The following FBXO27 variants were observed in gnomAD, a reference collection of about 807,000 sequenced individuals.
FBXO27 encodes F-box only protein 27.
A neutral mutation model predicts 28.3 loss-of-function variants in FBXO27; 28 were observed. The ratio of observed to expected loss-of-function variants is 0.99; its 90% CI spans 0.73 to 1.36. FBXO27 has a LOEUF of 1.36. Among genes scored for constraint, FBXO27 ranks in the 40% most tolerant of loss-of-function variants. The pLI is 0.00. For synonymous variants in FBXO27, 175 were observed against 167.3 expected (o/e 1.05, Z -0.36); for missense variants, 388 against 394.1 (o/e 0.98, Z 0.13).
intron 4 of FBXO27, among the ~76,000 whole-genome samples, chr19:39,027,692 G>A (rs547511599): frequency 6.6e-6 from 1 of 152,072 alleles, no homozygotes; most frequent in Non-Finnish European, 1.5e-5. Flanking sequence ...AGTTGGTAAA[G>A]ATGTAGAGAT....
intron 2 of FBXO27, among the ~76,000 whole-genome samples, chr19:39,011,858 C>A (rs188745180): frequency 3.0e-4 from 40 of 132,374 alleles, no homozygotes; most frequent in African/African-American, 1.1e-3. Context: ...GACGGAGTCT[C>A]TTTCTGTCAT....
intron 2 of FBXO27, among the ~76,000 whole-genome samples, chr19:39,009,793 G>T (rs1039061441): frequency 6.6e-5 from 10 of 151,026 alleles, no homozygotes; most frequent in Non-Finnish European, 8.9e-5. Context: ...AAGTTGTGGG[G>T]TTTTTTTTTT....
chr19:39,019,311 G>C (rs573608778), downstream of FBXO27, among the ~76,000 whole-genome samples: 4 of 150,830 alleles, frequency 2.7e-5, no homozygotes, highest in Non-Finnish European at 5.9e-5. Context: ...TGTAGTCCCA[G>C]CTACTCGGGA....
downstream of FBXO27, among the ~76,000 whole-genome samples, chr19:39,019,515 A>G (rs1165978202): frequency 6.6e-6 from 1 of 150,624 alleles, no homozygotes; most frequent in Non-Finnish European, 1.5e-5. Flanking sequence ...AGAAAAGTGT[A>G]GCCATTATAT....
downstream of FBXO27, among the ~76,000 whole-genome samples, chr19:39,023,780 A>AT (rs2072857335): frequency 6.6e-6 from 1 of 151,928 alleles, no homozygotes; most frequent in African/African-American, 2.4e-5. Flanking sequence ...TGCCTGGCTA[A>AT]TTTTTTGTAT....
chr19:39,031,399 T>A, intron 2 of FBXO27, 79 bp from the exon 3 acceptor site: 1 of 1,234,254 alleles, frequency 8.1e-7, no homozygotes, highest in Non-Finnish European at 1.1e-6. Flanking sequence ...CCCTAGCCCC[T>A]CCCACGTGCT....
Position 39,026,998 on chromosome 19 carries a change from C to T in FBXO27, c.580G>A (p.Ala194Thr). ...TACATACAGCCGCTGTCGTGTCGGGCTCCCCACCTGTGGGAGGAAGGAGCC... is the reference window on the plus strand; with the variant it reads ...TACATACAGCCGCTGTCGTGTCGGGTTCCCCACCTGTGGGAGGAAGGAGCC... ...IEICVSDWWGARHDSGCMYRL... is the reference protein window; with the variant it reads ...IEICVSDWWGTRHDSGCMYRL... Residue 194 changes from alanine (A) to threonine (T), a missense_variant, in exon 5 of 6, where the codon GCC becomes ACC. Coordinates refer to ENST00000292853, the MANE Select transcript of FBXO27 (RefSeq NM_178820.5). 1.2e-6 allele frequency: 2 copies of T among 1,614,090 alleles called. No individual in the cohort carries two copies. Among genetic ancestry groups the T allele is most frequent in the South Asian group, 1.1e-5 (1 of 91,074 alleles).
rs1430342148 is a variant in FBXO27 at position 39,032,105 on chromosome 19, G to T, written c.123C>A (p.Val41=). ...AGCGCCCGAGCAGCGTGCGCGGGGG[G>T]ACGTGGCTCAGCACCACCAGAAGCA... ...PELLLVVLSH[V]PPRTLLGRCR... The change falls in exon 2 of 6, where the codon GTC becomes GTA. Residue 41 remains valine, a synonymous_variant. Coordinates refer to ENST00000292853, the MANE Select transcript of FBXO27 (RefSeq NM_178820.5). The surrounding 1 kb of genome is among the most constrained non-coding windows in gnomAD (Gnocchi z 4.7). 4 of 1,532,918 alleles carry T rather than the reference G, an allele frequency of 2.6e-6. No individual in the cohort carries two copies. The highest frequency in any genetic ancestry group is 2.1e-5 in the Admixed American group (1 of 47,184). The allele number at this position is 1,532,918 out of a possible 1,614,324, so 95.0% of individuals were successfully genotyped here.
downstream of FBXO27, among the ~76,000 whole-genome samples, chr19:39,020,754 G>GAAAAAAAAAAA (rs770001707): frequency 2.5e-4 from 4 of 15,712 alleles, no homozygotes; most frequent in Non-Finnish European, 5.1e-4. Context: ...TGTGGATATG[G>GAAAAAAAAAAA]CAAAAAAAAA....
At chr19:39,008,821 T>C (rs550071829) in intron 2 of FBXO27, among the ~76,000 whole-genome samples, 1 of 152,276 alleles carries the variant, frequency 6.6e-6, no homozygotes, top group East Asian at 1.9e-4. Context: ...TTTCATTCCT[T>C]TTTTGTACGT....
intron 4 of FBXO27, chr19:39,030,769 AT>A (rs540287512): frequency 7.1e-3 from 3,014 of 426,486 alleles, no homozygotes; most frequent in East Asian, 9.5e-3. Context: ...GGCCCGGCTA[AT>A]TTTTTTTTTG....
intron 4 of FBXO27, among the ~76,000 whole-genome samples, chr19:39,029,426 C>CAAAA (rs35521168): frequency 4.2e-4 from 43 of 101,674 alleles, no homozygotes; most frequent in Admixed American, 2.2e-4. Context: ...GACTCTGTCT[C>CAAAA]AAAAAAAAAA....
intron 2 of FBXO27, among the ~76,000 whole-genome samples, chr19:39,010,531 T>C (rs1458770304): frequency 6.6e-6 from 1 of 152,158 alleles, no homozygotes; most frequent in African/African-American, 2.4e-5. Context: ...CTGGACCAAA[T>C]TGAGGACTAG....
At chr19:39,029,888 C>T (rs914679069) in intron 4 of FBXO27, among the ~76,000 whole-genome samples, 1 of 152,138 alleles carries the variant, frequency 6.6e-6, no homozygotes, top group Non-Finnish European at 1.5e-5. Context: ...GTTGCCCAGG[C>T]TGGAGTGCAG....
rs577840652 is a variant in FBXO27 at position 39,009,042 on chromosome 19, G to A, written c.252+5345C>T. Among the ~76,000 whole-genome samples the A allele has an allele frequency of 2.0e-5, 3 of 152,216 alleles. No homozygotes were observed. In the East Asian group the frequency reaches 5.8e-4, roughly 29 times the overall value. On this transcript the variant is annotated intron_variant, in intron 2 of 2. Transcript: ENST00000598394. ...TCACCATATTAGCCAGGCTGGTCTC[G>A]AACTCCTGACATCAAGTGATCTGCC...
rs1382145558 is a variant in FBXO27, at chr19:39,032,288, AGCAGCCTCCGCGGCGC to A, written c.-26-51_-26-36del. 2.2e-6 allele frequency: 3 copies of A among 1,376,030 alleles called. No homozygotes were observed. The highest frequency in any genetic ancestry group is 2.8e-6 in the Non-Finnish European group (3 of 1,076,976). The allele number at this position is 1,376,030 out of a possible 1,614,324, so 85.2% of individuals were successfully genotyped here. ...AGGAAGGGTCAAGGCGTCAGGGACC[AGCAGCCTCCGCGGCGC>A]GCAGCCTCTGCCTGCCCTGATTCTG... On this transcript the variant is annotated intron_variant, in intron 1 of 5. Coordinates refer to ENST00000292853, the MANE Select transcript of FBXO27 (RefSeq NM_178820.5). This position sits in a 1 kb window ranked among gnomAD's most constrained non-coding sequence, Gnocchi z 4.7.
At chr19:39,006,679 T>C (rs1162452143) in intron 2 of FBXO27, among the ~76,000 whole-genome samples, 1 of 152,128 alleles carries the variant, frequency 6.6e-6, no homozygotes, top group Non-Finnish European at 1.5e-5. Context: ...GTTCAAGACA[T>C]TGACTCAGGC....
chr19:39,030,079 A>G (rs494515), intron 4 of FBXO27, among the ~76,000 whole-genome samples: 6,820 of 152,052 alleles, frequency 0.045, 380 homozygotes, highest in African/African-American at 0.13. Context: ...TTAGCTCAAG[A>G]GATCTGCCCA....
rs746754083 is a variant in FBXO27, at chr19:39,025,431, C to T, written c.832G>A (p.Val278Met). Residue 278 changes from valine (V) to methionine (M), a missense_variant, in exon 6 of 6, where the codon GTG (valine) becomes ATG (methionine). By Grantham distance (21) the Val-to-Met change is conservative. Transcript: ENST00000292853. ...CTGGACTAGGACAGACGGACTCGCA[C>T]GATCACACTGGAGTTGGTCACACGG... ...GARVTNSSVI[V>M]RVRLS The T allele has an allele frequency of 2.3e-5, 37 of 1,613,750 alleles. No homozygotes were observed. The highest frequency in any genetic ancestry group is 9.9e-5 in the South Asian group (9 of 91,052).
Sources: gnomAD v4.1 joint callset for allele counts (sites outside exome capture counted in the v4.1 genomes callset) on GRCh38, gnomAD v4.1.1 for gene constraint, Gnocchi (gnomAD v3.1) non-coding constraint, MANE v1.5 for transcripts, NCBI Gene and HGNC (gene_info 2026-07-23, HGNC 2026-07-21) for gene names.